PSD3: variants seen among roughly 807,000 people sequenced by gnomAD.
PSD3 encodes PH and SEC7 domain-containing protein 3.
PSD3 carries 49 observed loss-of-function variants against 105.5 expected under a neutral mutation model. That is an observed-to-expected ratio of 0.46 (90% CI 0.37 to 0.59). The LOEUF is 0.59. Among genes scored for constraint, PSD3 ranks in the 20% least tolerant of loss-of-function variants. The probability of loss-of-function intolerance (pLI) is 0.00; values close to 1 mark genes in which losing one functional copy is unlikely to be tolerated. For missense variants in PSD3, 1,561 were observed against 1,263.8 expected, an observed-to-expected ratio of 1.24 and a Z score of -3.57; for synonymous variants, 557 against 457.8, an observed-to-expected ratio of 1.22 and a Z score of -2.77.
intron 3 of PSD3, among the ~76,000 whole-genome samples, chr8:18,869,409 C>T (rs1013729242): frequency 6.6e-6 from 1 of 152,052 alleles, no homozygotes. Context: ...AAACTCCTGA[C>T]CTCGGGTGAT....
At chr8:19,043,506 G>T (rs927543912) in intron 1 of PSD3, among the ~76,000 whole-genome samples, 4 of 152,178 alleles carry the variant, frequency 2.6e-5, no homozygotes, top group African/African-American at 9.7e-5. Context: ...TAGGTTTAGA[G>T]TTGTTGGGGG....
At chr8:18,779,378 T>C (rs938877189) in intron 8 of PSD3, among the ~76,000 whole-genome samples, 2 of 151,436 alleles carry the variant, frequency 1.3e-5, no homozygotes, top group Non-Finnish European at 2.9e-5. Flanking sequence ...ATGTTGTTTA[T>C]TCTCTCAAAA....
At chr8:18,790,273 T>G (rs1013399339) in intron 8 of PSD3, among the ~76,000 whole-genome samples, 2 of 152,076 alleles carry the variant, frequency 1.3e-5, no homozygotes, top group African/African-American at 2.4e-5. Context: ...AATTCATCAT[T>G]TTTAGATCAT....
chr8:18,838,416 A>C (rs1187269694), intron 4 of PSD3, among the ~76,000 whole-genome samples: 2 of 152,172 alleles, frequency 1.3e-5, no homozygotes, highest in Admixed American at 6.5e-5. Flanking sequence ...ATAAATGTAA[A>C]TATTATTCAG....
intron 8 of PSD3, among the ~76,000 whole-genome samples, chr8:18,785,508 G>A (rs151030854): frequency 1.3e-3 from 196 of 151,918 alleles, no homozygotes; most frequent in African/African-American, 4.6e-3. Flanking sequence ...GAATACTGTG[G>A]CTGGTTGGAT....
intron 1 of PSD3, among the ~76,000 whole-genome samples, chr8:19,041,273 G>A (rs754241047): frequency 1.3e-5 from 2 of 152,098 alleles, no homozygotes; most frequent in Non-Finnish European, 2.9e-5. Flanking sequence ...GGCAAACTGC[G>A]AAATGCATTA....
chr8:18,560,593 G>C (rs977540420), intron 14 of PSD3, among the ~76,000 whole-genome samples: 87 of 152,060 alleles, frequency 5.7e-4, no homozygotes, highest in African/African-American at 1.8e-3. Context: ...AAGAAAAGTT[G>C]TTGTGGTTAT....
At chr8:18,986,885 T>G (rs1459222133) in intron 1 of PSD3, among the ~76,000 whole-genome samples, 1 of 152,154 alleles carries the variant, frequency 6.6e-6, no homozygotes, top group East Asian at 1.9e-4. Flanking sequence ...CTCACTTTTC[T>G]GGACCTCACA....
chr8:18,989,417 A>G (rs750736398), intron 1 of PSD3: 3 of 152,236 alleles, frequency 2.0e-5, no homozygotes, highest in Non-Finnish European at 4.4e-5. Context: ...TCAAAGGTGA[A>G]TAAATTTGGT....
chr8:18,688,685 A>G (rs1273020204), intron 9 of PSD3, among the ~76,000 whole-genome samples: 2 of 152,186 alleles, frequency 1.3e-5, no homozygotes, highest in Non-Finnish European at 2.9e-5. Context: ...CTTATCACCC[A>G]CAATCATGGT....
chr8:19,003,251 G>C lies in PSD3; in HGVS notation c.21+10312C>G, dbSNP rs375128406. Among the ~76,000 whole-genome samples, 211 of 152,104 alleles carry C rather than the reference G, an allele frequency of 1.4e-3. 1 individual carries two copies. The highest frequency in any genetic ancestry group is 4.9e-3 in the African/African-American group (205 of 41,544). On this transcript the variant is annotated intron_variant, in intron 1 of 15. Transcript: ENST00000327040. ...GGCCAAGTACAATGGCACCCCTGTA[G>C]TTCCAGCTATTTGGGAGGCTGAGGG... is the stretch of plus-strand genomic sequence containing the variant.
chr8:18,668,273 A>C (rs1053555490), intron 9 of PSD3, among the ~76,000 whole-genome samples: 1 of 152,250 alleles, frequency 6.6e-6, no homozygotes, highest in Non-Finnish European at 1.5e-5. Context: ...GTAAGGAGGA[A>C]ACAGTAAGAA....
At chr8:18,829,114 G>C (rs559654209) in intron 4 of PSD3, among the ~76,000 whole-genome samples, 31 of 152,102 alleles carry the variant, frequency 2.0e-4, no homozygotes, top group African/African-American at 6.0e-4. Context: ...GGGCATGGTG[G>C]CATGTGTCTA....
chr8:18,717,370 T>C (rs1353210674), intron 9 of PSD3, among the ~76,000 whole-genome samples: 2 of 152,208 alleles, frequency 1.3e-5, no homozygotes, highest in African/African-American at 2.4e-5. Context: ...TTGCTATAAG[T>C]ACATGCCTAG....
intron 4 of PSD3, among the ~76,000 whole-genome samples, chr8:18,812,810 G>A (rs1385108050): frequency 6.6e-6 from 1 of 152,168 alleles, no homozygotes; most frequent in Non-Finnish European, 1.5e-5. Flanking sequence ...TCAGTCGCTG[G>A]CCTGCGGTGG....
At chr8:18,629,016 A>G (rs1806699992) in intron 11 of PSD3, among the ~76,000 whole-genome samples, 3 of 151,962 alleles carry the variant, frequency 2.0e-5, no homozygotes, top group Non-Finnish European at 1.5e-5. Flanking sequence ...TTTACAATAA[A>G]AAGCGAGACC....
chr8:18,990,972 C>G (rs1444336284), intron 1 of PSD3, among the ~76,000 whole-genome samples: 1 of 152,128 alleles, frequency 6.6e-6, no homozygotes, highest in African/African-American at 2.4e-5. Context: ...TTACTCTCTC[C>G]TATTAACCCA....
chr8:18,559,850 G>T (rs1259144248), intron 14 of PSD3, among the ~76,000 whole-genome samples: 1 of 152,048 alleles, frequency 6.6e-6, no homozygotes, highest in East Asian at 1.9e-4. Context: ...GGGCTTGCTC[G>T]GGTTTGTTCA....
intron 4 of PSD3, among the ~76,000 whole-genome samples, chr8:18,846,689 T>C (rs896906870): frequency 8.5e-5 from 13 of 152,282 alleles, no homozygotes; most frequent in African/African-American, 2.9e-4. Flanking sequence ...AAAGACGGCC[T>C]CTGCCTGGAT....
Sources: gnomAD v4.1 joint callset for allele counts (sites outside exome capture counted in the v4.1 genomes callset) on GRCh38, gnomAD v4.1.1 for gene constraint, MANE v1.5 for transcripts, NCBI Gene and HGNC (gene_info 2026-07-23, HGNC 2026-07-21) for gene names.